The following UGT1A9 variants were observed in gnomAD, a reference collection of about 807,000 sequenced individuals.
UGT1A9 encodes the protein UDP-glucuronosyltransferase 1A9.
Under a neutral mutation model 45.0 loss-of-function variants are expected in UGT1A9, and 35 were observed. That is an observed-to-expected ratio of 0.78 (90% CI 0.59 to 1.03). The LOEUF is 1.03. Among genes scored for constraint, UGT1A9 ranks in the 50% least tolerant of loss-of-function variants. The pLI, the probability that UGT1A9 is intolerant of heterozygous loss-of-function variation, is 0.00. For synonymous variants in UGT1A9, 278 were observed against 250.6 expected, an observed-to-expected ratio of 1.11 and a Z score of -1.03; for missense variants, 687 against 666.6, an observed-to-expected ratio of 1.03 and a Z score of -0.34.
chr2:233,734,458 A>G lies in UGT1A9; in HGVS notation c.856-32576A>G, dbSNP rs561790564. On this transcript the variant is annotated intron_variant, in intron 1 of 4. Coordinates refer to ENST00000354728, the MANE Select transcript of UGT1A9 (RefSeq NM_021027.3). ...TGCCAGAGGTCTATCAATTTTCAAAATCCATCTCCTGGATTCATTGATTTT... is the reference window on the plus strand; with the variant it reads ...TGCCAGAGGTCTATCAATTTTCAAAGTCCATCTCCTGGATTCATTGATTTT... 1.5e-3 allele frequency among the ~76,000 whole-genome samples: 233 copies of G among 152,160 alleles called. 2 individuals carry two copies. The highest frequency in any genetic ancestry group is 5.3e-3 in the African/African-American group (218 of 41,522).
intron 1 of UGT1A9, among the ~76,000 whole-genome samples, chr2:233,759,654 A>G: frequency 8.3e-6 from 1 of 120,204 alleles, no homozygotes; most frequent in Non-Finnish European, 1.6e-5. Flanking sequence ...CACGATTTCT[A>G]AGTTCCTGCT....
intron 1 of UGT1A9, chr2:233,730,119 C>T (rs1050409403): frequency 6.4e-7 from 1 of 1,553,794 alleles, no homozygotes; most frequent in Non-Finnish European, 8.7e-7. Context: ...TTCTCCTTGT[C>T]ATAATAGCCT....
intron 4 of UGT1A9, among the ~76,000 whole-genome samples, 154 bp from the exon 5 acceptor site, chr2:233,772,106 CTG>C (rs1172403577): frequency 6.6e-6 from 1 of 152,016 alleles, no homozygotes; most frequent in African/African-American, 2.4e-5. Context: ...GGGCAAGACT[CTG>C]TATCTAAAAA....
At chr2:233,713,515 A>G (rs2125634439) in intron 1 of UGT1A9, 1 of 1,613,910 alleles carries the variant, frequency 6.2e-7, no homozygotes. Context: ...TTCTTGAGGA[A>G]CATTCCATGT....
chr2:233,727,191 G>A (rs764445830), intron 1 of UGT1A9, among the ~76,000 whole-genome samples: 4 of 152,118 alleles, frequency 2.6e-5, no homozygotes, highest in Non-Finnish European at 4.4e-5. Context: ...CTTTGCTGGG[G>A]TGACCTCACT....
At chr2:233,718,543 A>G (rs2076662148) in intron 1 of UGT1A9, among the ~76,000 whole-genome samples, 1 of 152,222 alleles carries the variant, frequency 6.6e-6, no homozygotes. Flanking sequence ...TTGGGAATTG[A>G]ATGAGAAAGA....
At chr2:233,672,865 G>T in intron 1 of UGT1A9, 76 bp downstream of exon 1, 1 of 1,520,894 alleles carries the variant, frequency 6.6e-7, no homozygotes, top group Non-Finnish European at 8.8e-7. Context: ...ACTGAACTGT[G>T]ATTTGACATT....
At chr2:233,725,483 GCAAAAAGAAACCA>G (rs2077451609) in intron 1 of UGT1A9, among the ~76,000 whole-genome samples, 1 of 151,876 alleles carries the variant, frequency 6.6e-6, no homozygotes, top group Admixed American at 6.6e-5. Flanking sequence ...TTAGAAACCA[GCAAAAAGAAACCA>G]CTGAAATTAA....
rs371053346 is a variant in UGT1A9 at position 233,720,746 on chromosome 2, C to T, written c.856-46288C>T. On this transcript the variant is annotated intron_variant, in intron 1 of 4. Coordinates refer to ENST00000354728, the MANE Select transcript of UGT1A9 (RefSeq NM_021027.3). ...CTTGAGACTGAGCCTCGTTCTGTCG[C>T]CCAGGCTGGAGGGCAGTGGCCGGAT... is the stretch of plus-strand genomic sequence containing the variant. Among the ~76,000 whole-genome samples the T allele has an allele frequency of 1.6e-4, 24 of 151,102 alleles. No individual in the cohort carries two copies. The South Asian group carries it at 4.7e-3, about 29-fold the overall frequency.
At chr2:233,742,595 T>C (rs1692031315) in intron 1 of UGT1A9, among the ~76,000 whole-genome samples, 1 of 151,868 alleles carries the variant, frequency 6.6e-6, no homozygotes, top group African/African-American at 2.4e-5. Flanking sequence ...CCCAGCAACC[T>C]ACCATAGTTG....
intron 1 of UGT1A9, chr2:233,691,475 C>T: frequency 4.1e-6 from 4 of 985,770 alleles, no homozygotes; most frequent in Non-Finnish European, 4.8e-6. Flanking sequence ...CCTCCGGTGC[C>T]AAACTTGTGG....
rs533684290 is a variant in UGT1A9, at chr2:233,717,047, G to A, written c.855+44258G>A. Among the ~76,000 whole-genome samples the A allele has an allele frequency of 3.9e-5, 6 of 152,238 alleles. No individual in the cohort carries two copies. In the South Asian group the frequency reaches 1.0e-3, roughly 26 times the overall value. ...CATCTTCCAAGATACATGGGCCTCCGCAGGGTCTAGGAGTGCCAGACACGT... is the reference window on the plus strand; with the variant it reads ...CATCTTCCAAGATACATGGGCCTCCACAGGGTCTAGGAGTGCCAGACACGT... On this transcript the variant is annotated intron_variant, in intron 1 of 4. Coordinates refer to ENST00000354728, the MANE Select transcript of UGT1A9 (RefSeq NM_021027.3).
chr2:233,757,675 A>T (rs1397708687), intron 1 of UGT1A9, among the ~76,000 whole-genome samples: 1 of 151,408 alleles, frequency 6.6e-6, no homozygotes, highest in Non-Finnish European at 1.5e-5. Flanking sequence ...AATTCAAGGA[A>T]TTCAAGGGAT....
intron 1 of UGT1A9, among the ~76,000 whole-genome samples, chr2:233,734,621 G>C (rs1231102351): frequency 6.6e-6 from 1 of 152,064 alleles, no homozygotes; most frequent in Non-Finnish European, 1.5e-5. Context: ...GTTGATTTTA[G>C]ATCTTTCCTG....
At chr2:233,699,062 C>T (rs143445197) in intron 1 of UGT1A9, among the ~76,000 whole-genome samples, 89 of 152,320 alleles carry the variant, frequency 5.8e-4, no homozygotes, top group Non-Finnish European at 1.1e-3. Flanking sequence ...TTATCCCAGC[C>T]CTGCCCAGGG....
chr2:233,675,530 C>T (rs903544612), intron 1 of UGT1A9, among the ~76,000 whole-genome samples: 1 of 152,106 alleles, frequency 6.6e-6, no homozygotes, highest in Non-Finnish European at 1.5e-5. Context: ...GTGCTTCCCC[C>T]CTTGCTGTAA....
rs760019185 is a variant in UGT1A9, at chr2:233,760,846, C to T, written c.856-6188C>T. 1 of 1,613,970 alleles carries T rather than the reference C, an allele frequency of 6.2e-7. No individual in the cohort carries two copies. Among genetic ancestry groups the T allele is most frequent in the Non-Finnish European group, 8.5e-7 (1 of 1,179,912 alleles). On this transcript the variant is annotated intron_variant, in intron 1 of 4. Coordinates refer to ENST00000354728, the MANE Select transcript of UGT1A9 (RefSeq NM_021027.3). ...CCTGGAATTTGAGGCTACCCAGTGC[C>T]CCAACCCATTCTCCTACGTGCCCAG... is the stretch of plus-strand genomic sequence containing the variant.
chr2:233,731,097 CT>C (rs1455789609), intron 1 of UGT1A9, among the ~76,000 whole-genome samples: 1 of 151,946 alleles, frequency 6.6e-6, no homozygotes, highest in South Asian at 2.1e-4. Flanking sequence ...ATTTCTGTGC[CT>C]TTTTTATAAA....
At chr2:233,748,654 C>T (rs1693998428) in intron 1 of UGT1A9, among the ~76,000 whole-genome samples, 1 of 151,632 alleles carries the variant, frequency 6.6e-6, no homozygotes, top group Admixed American at 6.6e-5. Flanking sequence ...ACACTGAGTT[C>T]AGTTTCCAGA....
Sources: gnomAD v4.1 joint callset for allele counts (sites outside exome capture counted in the v4.1 genomes callset) on GRCh38, gnomAD v4.1.1 for gene constraint, MANE v1.5 for transcripts, NCBI Gene and HGNC (gene_info 2026-07-23, HGNC 2026-07-21) for gene names.